Variants in PARD3B observed in about 807,000 individuals in gnomAD.
PARD3B encodes the protein par-3 family cell polarity regulator beta, also known as partitioning defective 3 homolog B.
Under a neutral mutation model 130.2 loss-of-function variants are expected in PARD3B, and 103 were observed. That is an observed-to-expected ratio of 0.79 (90% CI 0.67 to 0.93). PARD3B has a LOEUF of 0.93. PARD3B is among the 40% of genes least tolerant of loss of function. PARD3B has a pLI of 0.00. For synonymous variants in PARD3B, 583 were observed against 553.2 expected (o/e 1.05, Z -0.76); for missense variants, 1,609 against 1,499.2 (o/e 1.07, Z -1.21).
At position 205,268,955 on chromosome 2, in the gene PARD3B, A is replaced by T. The variant is rs1248573732; in HGVS notation, c.2185+23133A>T. ...GAGTATAGTCTTGAATAAAAGGTGTACCCAAGTATGAATAAAATAAGTATA... is the reference window on the plus strand; with the variant it reads ...GAGTATAGTCTTGAATAAAAGGTGTTCCCAAGTATGAATAAAATAAGTATA... On this transcript the variant is annotated intron_variant, in intron 16 of 22. Transcript: ENST00000406610. This position sits in a 1 kb window ranked among gnomAD's most constrained non-coding sequence, Gnocchi z 4.1. Among the ~76,000 whole-genome samples the T allele has an allele frequency of 1.3e-5, 2 of 152,188 alleles. No homozygotes were observed. Among genetic ancestry groups the T allele is most frequent in the East Asian group, 3.9e-4 (2 of 5,194 alleles).
chr2:205,205,726 C>A (rs932874848), intron 15 of PARD3B, among the ~76,000 whole-genome samples: 2 of 152,126 alleles, frequency 1.3e-5, no homozygotes, highest in Non-Finnish European at 2.9e-5. Flanking sequence ...GTCATTGGTT[C>A]CGTTTATGTG....
chr2:204,545,670 G>T lies in PARD3B; in HGVS notation c.-330G>T. The T allele has an allele frequency of 4.6e-6, 1 of 218,514 alleles. No individual in the cohort carries two copies. The highest frequency in any genetic ancestry group is 9.7e-5 in the South Asian group (1 of 10,302). The allele number at this position is 218,514 out of a possible 1,614,324, so 13.5% of individuals were successfully genotyped here. A position where few individuals can be genotyped will look rare whatever the true frequency, so the allele number is the denominator to read the frequency against. On this transcript the variant is annotated 5_prime_UTR_variant, in exon 1 of 23. Coordinates refer to ENST00000406610, the MANE Select transcript of PARD3B (RefSeq NM_001302769.2). ...AGGGCAGGGCCGGCAGTTTCGCTTT[G>T]GTGGGCGCGGAGCAGCCGCCTGGGC...
At chr2:205,056,435 A>T (rs770596331) in intron 4 of PARD3B, among the ~76,000 whole-genome samples, 2 of 152,050 alleles carry the variant, frequency 1.3e-5, no homozygotes, top group Non-Finnish European at 2.9e-5. Context: ...TTGTGGAAAC[A>T]TATAGCATCC....
Position 205,050,995 on chromosome 2 carries a change from C to T in PARD3B, c.504+3305C>T, listed in dbSNP as rs533636316. On this transcript the variant is annotated intron_variant, in intron 4 of 22. Coordinates refer to ENST00000406610, the MANE Select transcript of PARD3B (RefSeq NM_001302769.2). ...GTGTCCATGTATGGATGATAAATTA[C>T]GTGGCACCCTGCATATAGCCCTACG... 2.6e-5 allele frequency among the ~76,000 whole-genome samples: 4 copies of T among 152,214 alleles called. No individual in the cohort carries two copies. The South Asian group carries it at 6.2e-4, about 24-fold the overall frequency.
chr2:205,428,645 T>G (rs916063186), intron 19 of PARD3B, among the ~76,000 whole-genome samples: 20 of 152,258 alleles, frequency 1.3e-4, no homozygotes, highest in African/African-American at 2.6e-4. Context: ...ATTTTAAAAC[T>G]ATATGATAAA....
rs1255350508 is a variant in PARD3B, at chr2:205,564,368, A to G, written c.3260+10965A>G. On this transcript the variant is annotated intron_variant, in intron 22 of 22. Coordinates refer to ENST00000406610, the MANE Select transcript of PARD3B (RefSeq NM_001302769.2). This position sits in a 1 kb window ranked among gnomAD's most constrained non-coding sequence, Gnocchi z 4.6. Reference sequence around the variant, plus strand: ...TTCAGAATGACTAAGAACAGCAACCACTGAATCACAGAACTCCTCTTAGCA... The same window carrying G: ...TTCAGAATGACTAAGAACAGCAACCGCTGAATCACAGAACTCCTCTTAGCA... Among the ~76,000 whole-genome samples, 1 of 152,192 alleles carries G rather than the reference A, an allele frequency of 6.6e-6. No individual in the cohort carries two copies. Among genetic ancestry groups the G allele is most frequent in the Admixed American group, 6.5e-5 (1 of 15,282 alleles).
At position 204,696,145 on chromosome 2, in the gene PARD3B, G is replaced by A. The variant is rs191110134; in HGVS notation, c.222+9863G>A. ...GAGGTGGGTGCTTTGAAACAATAGG[G>A]AGTATCGGGGGAGGTATCTCTATCT... is the stretch of plus-strand genomic sequence containing the variant. On this transcript the variant is annotated intron_variant, in intron 2 of 22. Transcript: ENST00000406610. Among the ~76,000 whole-genome samples, 23 of 152,034 alleles carry A rather than the reference G, an allele frequency of 1.5e-4. No homozygotes were observed. The East Asian group carries it at 4.1e-3, about 27-fold the overall frequency.
intron 2 of PARD3B, among the ~76,000 whole-genome samples, chr2:204,922,257 A>G (rs2047709522): frequency 6.6e-6 from 1 of 152,100 alleles, no homozygotes; most frequent in Admixed American, 6.6e-5. Context: ...CAAAAAGAGA[A>G]GCAAATAAGC....
chr2:204,968,534 C>T (rs1301024899), intron 3 of PARD3B, among the ~76,000 whole-genome samples: 1 of 152,208 alleles, frequency 6.6e-6, no homozygotes, highest in African/African-American at 2.4e-5. Flanking sequence ...CTTTCACAGT[C>T]ACCTTAACTT....
intron 2 of PARD3B, among the ~76,000 whole-genome samples, chr2:204,755,877 G>T (rs984771201): frequency 6.6e-6 from 1 of 152,084 alleles, no homozygotes; most frequent in African/African-American, 2.4e-5. Context: ...GGAAGTGATT[G>T]CTGTGAGCAT....
intron 20 of PARD3B, among the ~76,000 whole-genome samples, chr2:205,450,025 T>A (rs2048043213): frequency 6.6e-6 from 1 of 152,228 alleles, no homozygotes; most frequent in Admixed American, 6.5e-5. Flanking sequence ...TTGGTTCAAA[T>A]GTATTAATTT....
intron 20 of PARD3B, among the ~76,000 whole-genome samples, chr2:205,486,369 G>A (rs2049442901): frequency 6.6e-6 from 1 of 152,210 alleles, no homozygotes; most frequent in African/African-American, 2.4e-5. Flanking sequence ...AGGCTAATGA[G>A]AGCTGTGGGA....
intron 1 of PARD3B, among the ~76,000 whole-genome samples, chr2:204,598,076 C>G (rs1574522874): frequency 1.3e-5 from 2 of 152,082 alleles, no homozygotes; most frequent in East Asian, 3.8e-4. Context: ...TTAAGACTAT[C>G]AAATTAAAAG....
chr2:205,556,878 GCTC>G lies in PARD3B; in HGVS notation c.3260+3478_3260+3480del, dbSNP rs374333625. Among the ~76,000 whole-genome samples the G allele has an allele frequency of 4.6e-5, 7 of 152,226 alleles. 1 individual carries two copies. Among genetic ancestry groups the G allele is most frequent in the African/African-American group, 1.7e-4 (7 of 41,528 alleles). ...ATCAACGTATGTGTTTTTGCAAACG[GCTC>G]CTTTTTCACTCCAGCCTGCCAGCCG... On this transcript the variant is annotated intron_variant, in intron 22 of 22. Transcript: ENST00000406610.
At chr2:204,749,148 A>G (rs939590080) in intron 2 of PARD3B, among the ~76,000 whole-genome samples, 3 of 152,138 alleles carry the variant, frequency 2.0e-5, no homozygotes, top group African/African-American at 7.2e-5. Context: ...CAAAGATTCT[A>G]GCCTCTATCT....
At chr2:204,617,333 A>G (rs534919843) in intron 1 of PARD3B, among the ~76,000 whole-genome samples, 1 of 152,294 alleles carries the variant, frequency 6.6e-6, no homozygotes, top group East Asian at 1.9e-4. Context: ...AGAAGTGACT[A>G]TGACCCTTTA....
intron 14 of PARD3B, among the ~76,000 whole-genome samples, chr2:205,190,909 T>G (rs1307201547): frequency 6.6e-6 from 1 of 151,608 alleles, no homozygotes; most frequent in East Asian, 1.9e-4. Flanking sequence ...GCTGAAAAAA[T>G]GAAAGTATTG....
rs751384390 is a variant in PARD3B, at chr2:205,244,090, G to T, written c.2141-1688G>T. 6.6e-6 allele frequency among the ~76,000 whole-genome samples: 1 copy of T among 152,170 alleles called. No individual in the cohort carries two copies. Among genetic ancestry groups the T allele is most frequent in the Non-Finnish European group, 1.5e-5 (1 of 68,036 alleles). On this transcript the variant is annotated intron_variant, in intron 15 of 22. Coordinates refer to ENST00000406610, the MANE Select transcript of PARD3B (RefSeq NM_001302769.2). This position sits in a 1 kb window ranked among gnomAD's most constrained non-coding sequence, Gnocchi z 4.7. The stretch of plus-strand genomic sequence containing the variant: ...ACAAAAAGTCTAACAATATTTTTAA[G>T]CAGTTGGGAACAGAATAATCACAGA...
At chr2:204,634,407 G>A (rs1395621465) in intron 1 of PARD3B, among the ~76,000 whole-genome samples, 1 of 152,098 alleles carries the variant, frequency 6.6e-6, no homozygotes, top group African/African-American at 2.4e-5. Flanking sequence ...GATACTTAAA[G>A]TTGCTTCCAA....
Sources: gnomAD v4.1 joint callset for allele counts (sites outside exome capture counted in the v4.1 genomes callset) on GRCh38, gnomAD v4.1.1 for gene constraint, Gnocchi (gnomAD v3.1) non-coding constraint, MANE v1.5 for transcripts, NCBI Gene and HGNC (gene_info 2026-07-23, HGNC 2026-07-21) for gene names.